The following CFAP54 variants were observed in gnomAD, a reference collection of about 807,000 sequenced individuals.
CFAP54 encodes the protein cilia and flagella associated protein 54, also known as cilia- and flagella-associated protein 54.
Under a neutral mutation model 370.4 loss-of-function variants are expected in CFAP54, and 290 were observed. The observed-to-expected ratio is 0.78, with a 90% CI of 0.71 to 0.86. The LOEUF (loss-of-function observed/expected upper bound fraction) is 0.86. Among genes scored for constraint, CFAP54 ranks in the 40% least tolerant of loss-of-function variants. CFAP54 has a pLI of 0.00. For missense variants in CFAP54, 3,399 were observed against 3,528.7 expected (o/e 0.96, Z 0.93); for synonymous variants, 1,206 against 1,236.5 (o/e 0.98, Z 0.52).
intron 63 of CFAP54, among the ~76,000 whole-genome samples, chr12:96,797,491 A>G (rs1458294327): frequency 5.3e-5 from 8 of 152,020 alleles, no homozygotes; most frequent in Non-Finnish European, 8.8e-5. Context: ...ATTTTGCTTT[A>G]CTTAATTTGA....
In CFAP54 at chr12:96,568,134, A is replaced by C. The variant is rs190044819; in HGVS notation, c.2619+3369A>C. 3.8e-3 allele frequency among the ~76,000 whole-genome samples: 565 copies of C among 147,846 alleles called. 3 individuals carry two copies. The highest frequency in any genetic ancestry group is 6.4e-3 in the Non-Finnish European group (434 of 67,288). On this transcript the variant is annotated intron_variant, in intron 19 of 67. Coordinates refer to ENST00000524981, the MANE Select transcript of CFAP54 (RefSeq NM_001306084.2). Reference sequence around the variant, plus strand: ...ATTTTGTAGCATTTCAAGTCAAATCAGTTCTATTTGCTTTTTTTTTTTTTT... The same window carrying C: ...ATTTTGTAGCATTTCAAGTCAAATCCGTTCTATTTGCTTTTTTTTTTTTTT...
At chr12:96,638,204 C>T (rs1357653010) in intron 32 of CFAP54, among the ~76,000 whole-genome samples, 900 of 72,048 alleles carry the variant, frequency 0.012, 4 homozygotes, top group Middle Eastern at 0.021. Context: ...TATATATATG[C>T]ATGTGTGTGT....
intron 66 of CFAP54, among the ~76,000 whole-genome samples, chr12:96,830,784 T>G (rs1434951040): frequency 6.6e-6 from 1 of 152,150 alleles, no homozygotes; most frequent in Non-Finnish European, 1.5e-5. Flanking sequence ...GTTCAAGTGA[T>G]TCTCCTGCCT....
Position 96,564,750 on chromosome 12 carries a change from A to T in CFAP54, c.2604A>T (p.Ser868=). Residue 868 remains serine, a synonymous_variant, in exon 19 of 68, where the codon TCA becomes TCT. Transcript: ENST00000524981. ...IFEKDATSTS[S]WELLMEAYSL... ...AGAAAGATGCAACTTCTACATCTTC[A>T]TGGGAACTTTTGATGGTAACAGTAT... 1 of 619,242 alleles carries T rather than the reference A, an allele frequency of 1.6e-6. No individual in the cohort carries two copies. The highest frequency in any genetic ancestry group is 2.8e-6 in the Non-Finnish European group (1 of 354,326). The allele number at this position is 619,242 out of a possible 1,614,324, so 38.4% of individuals were successfully genotyped here.
At chr12:96,674,716 T>C (rs1472893283) in intron 39 of CFAP54, among the ~76,000 whole-genome samples, 1 of 152,242 alleles carries the variant, frequency 6.6e-6, no homozygotes, top group African/African-American at 2.4e-5. Flanking sequence ...GTTCTTGTTA[T>C]AAATAAAAAT....
rs990173223 is a variant in CFAP54 at position 96,545,608 on chromosome 12, C to T, written c.2078-2294C>T. Among the ~76,000 whole-genome samples the T allele has an allele frequency of 2.6e-4, 40 of 152,318 alleles. 1 individual carries two copies. Among genetic ancestry groups the T allele is most frequent in the Admixed American group, 2.3e-3 (35 of 15,306 alleles). On this transcript the variant is annotated intron_variant, in intron 14 of 67. Coordinates refer to ENST00000524981, the MANE Select transcript of CFAP54 (RefSeq NM_001306084.2). ...AACCTATTCATGTGAGGAGAGCCTC[C>T]GTGACCCAGTCATCTCTTATGGGAT...
In CFAP54 at chr12:96,535,512, T is replaced by A. The variant is rs1397432704; in HGVS notation, c.1706-3T>A. ...TTCATTTTCCTCTACTTTATGAACTTAGATACTTGTTTGAAGACTTGTGGA... is the reference window on the plus strand; with the variant it reads ...TTCATTTTCCTCTACTTTATGAACTAAGATACTTGTTTGAAGACTTGTGGA... On this transcript the variant is annotated splice_region_variant and splice_polypyrimidine_tract_variant and intron_variant, in intron 11 of 67. Coordinates refer to ENST00000524981, the MANE Select transcript of CFAP54 (RefSeq NM_001306084.2). 6.5e-7 allele frequency: 1 copy of A among 1,529,290 alleles called. No homozygotes were observed. The highest frequency in any genetic ancestry group is 1.4e-5 in the African/African-American group (1 of 73,030). 94.7% of individuals were successfully genotyped at this position (1,529,290 alleles called of 1,614,324 possible).
At position 96,492,042 on chromosome 12, in the gene CFAP54, G is replaced by C. The variant is rs192487743; in HGVS notation, c.317+2116G>C. Reference sequence around the variant, plus strand: ...CCAAGATTGCTGAGGTTACAGGCATGAGCCACCTTGCCCGGCTTATACATT... The same window carrying C: ...CCAAGATTGCTGAGGTTACAGGCATCAGCCACCTTGCCCGGCTTATACATT... On this transcript the variant is annotated intron_variant, in intron 1 of 67. Transcript: ENST00000524981. Among the ~76,000 whole-genome samples, 159 of 152,258 alleles carry C rather than the reference G, an allele frequency of 1.0e-3. 3 individuals are homozygous for C. Among genetic ancestry groups the C allele is most frequent in the Non-Finnish European group, 2.5e-4 (17 of 68,020 alleles).
At chr12:96,759,438 G>A (rs993233922) in intron 58 of CFAP54, among the ~76,000 whole-genome samples, 1 of 152,080 alleles carries the variant, frequency 6.6e-6, no homozygotes, top group Non-Finnish European at 1.5e-5. Flanking sequence ...GAAAACAGTA[G>A]TGTAATTCCT....
chr12:96,493,932 A>G (rs919583083), intron 1 of CFAP54, among the ~76,000 whole-genome samples: 2 of 152,354 alleles, frequency 1.3e-5, no homozygotes, highest in East Asian at 1.9e-4. Context: ...GGAAGTTGCA[A>G]TTTTCAATAA....
chr12:96,811,962 C>A, intron 64 of CFAP54, 120 bp downstream of exon 64: 1 of 573,492 alleles, frequency 1.7e-6, no homozygotes, highest in Non-Finnish European at 3.0e-6. Context: ...CGCGAAGAAT[C>A]TTCCTTTTGT....
intron 26 of CFAP54, among the ~76,000 whole-genome samples, chr12:96,615,016 A>G (rs1432960817): frequency 1.3e-5 from 2 of 152,192 alleles, no homozygotes; most frequent in African/African-American, 4.8e-5. Context: ...AACTACTTTA[A>G]AGTTCATATG....
chr12:96,581,864 A>C (rs1956036206), intron 22 of CFAP54, among the ~76,000 whole-genome samples: 1 of 152,136 alleles, frequency 6.6e-6, no homozygotes, highest in African/African-American at 2.4e-5. Flanking sequence ...AATCTTATGG[A>C]TATATAATAG....
At chr12:96,688,536 A>G (rs1483699660) in intron 42 of CFAP54, among the ~76,000 whole-genome samples, 1 of 152,240 alleles carries the variant, frequency 6.6e-6, no homozygotes, top group Non-Finnish European at 1.5e-5. Flanking sequence ...GCACATCTGT[A>G]TGATAAAACA....
chr12:96,728,674 A>G (rs531121715), intron 50 of CFAP54, among the ~76,000 whole-genome samples: 23 of 152,094 alleles, frequency 1.5e-4, no homozygotes, highest in Middle Eastern at 3.4e-3. Context: ...TCTTCTCTCA[A>G]CTCGTCAAAG....
Position 96,792,698 on chromosome 12 carries a change from C to T in CFAP54, c.8850+199C>T, listed in dbSNP as rs555805631. On this transcript the variant is annotated intron_variant, in intron 63 of 67. Coordinates refer to ENST00000524981, the MANE Select transcript of CFAP54 (RefSeq NM_001306084.2). ...AGTCTGATTCAGGCTGATCATTTTT[C>T]TTTTTCCTGATCCCATAGGGAAAAT... Among the ~76,000 whole-genome samples the T allele has an allele frequency of 9.2e-5, 14 of 152,134 alleles. No individual in the cohort carries two copies. The East Asian group carries it at 2.5e-3, about 27-fold the overall frequency.
intron 5 of CFAP54, among the ~76,000 whole-genome samples, chr12:96,517,652 G>A (rs1328892056): frequency 1.3e-5 from 2 of 152,160 alleles, no homozygotes; most frequent in Admixed American, 6.5e-5. Context: ...AGCAATGACA[G>A]CAACAACAAA....
chr12:96,755,476 C>G (rs1958243718), intron 56 of CFAP54, among the ~76,000 whole-genome samples: 1 of 152,014 alleles, frequency 6.6e-6, no homozygotes, highest in Admixed American at 6.5e-5. Context: ...CCTATTCCCC[C>G]ACCCTCCCTG....
intron 5 of CFAP54, among the ~76,000 whole-genome samples, chr12:96,516,756 T>G (rs1249072633): frequency 2.0e-5 from 3 of 152,208 alleles, no homozygotes; most frequent in African/African-American, 7.2e-5. Context: ...ACTGAAATGG[T>G]TTGACAACGT....
Sources: allele counts gnomAD v4.1 joint callset (sites outside exome capture counted in the v4.1 genomes callset), GRCh38; gene constraint gnomAD v4.1.1; transcripts MANE v1.5; gene names NCBI Gene and HGNC (gene_info 2026-07-23, HGNC 2026-07-21).